Variants in MFAP5 observed in about 807,000 individuals in gnomAD.
The protein encoded by MFAP5 is microfibrillar-associated protein 5.
Under a neutral mutation model 30.1 loss-of-function variants are expected in MFAP5, and 19 were observed. The ratio of observed to expected loss-of-function variants is 0.63; its 90% CI spans 0.44 to 0.93. The LOEUF (loss-of-function observed/expected upper bound fraction) is 0.93, where lower values mean the gene tolerates loss of function less well. Ranked by LOEUF, MFAP5 falls within the 40% of genes least tolerant of loss-of-function variation. MFAP5 has a pLI of 0.00. For synonymous variants in MFAP5, 92 were observed against 72.9 expected, an observed-to-expected ratio of 1.26 and a Z score of -1.33; for missense variants, 210 against 221.3, an observed-to-expected ratio of 0.95 and a Z score of 0.32.
chr12:8,648,020 A>G lies in MFAP5; in HGVS notation c.*71T>C, dbSNP rs1941728709. 1.4e-5 allele frequency: 16 copies of G among 1,179,292 alleles called. No individual in the cohort carries two copies. In the South Asian group the frequency reaches 1.8e-4, roughly 14 times the overall value. 73.1% of individuals were successfully genotyped at this position (1,179,292 alleles called of 1,614,324 possible). On this transcript the variant is annotated 3_prime_UTR_variant, in exon 10 of 10. Coordinates refer to ENST00000359478, the MANE Select transcript of MFAP5 (RefSeq NM_003480.4). Reference sequence around the variant, plus strand: ...AATACTGTCTAAGGGTTAGCTGTCAATGGTTGGAGAAGAAGGAGATCCTCC... The same window carrying G: ...AATACTGTCTAAGGGTTAGCTGTCAGTGGTTGGAGAAGAAGGAGATCCTCC...
chr12:8,662,486 A>G, intron 1 of MFAP5, 141 bp downstream of exon 1: 1 of 220,042 alleles, frequency 4.5e-6, no homozygotes, highest in Non-Finnish European at 9.0e-6. Flanking sequence ...CCTTCATCAG[A>G]ATTCCACGGT....
At chr12:8,651,899 TTTTCCTTTCTCC>T (rs1941848487) in intron 6 of MFAP5, 1 of 548,170 alleles carries the variant, frequency 1.8e-6, no homozygotes, top group South Asian at 2.2e-5. Context: ...GATGGGATTT[TTTTCCTTTCTCC>T]TTTCCTTTCT....
rs1441586150 is a variant in MFAP5 at position 8,648,104 on chromosome 12, G to C, written c.509C>G (p.Pro170Arg). Residue 170 changes from proline to arginine, a missense_variant, in exon 10 of 10, where the codon CCC (proline) becomes CGC (arginine). Coordinates refer to ENST00000359478, the MANE Select transcript of MFAP5 (RefSeq NM_003480.4). ...CTTTTTCAATGATCACAGACCATTGGGTCTCTGCAAATCCACATTTTCACA... is the reference window on the plus strand; with the variant it reads ...CTTTTTCAATGATCACAGACCATTGCGTCTCTGCAAATCCACATTTTCACA... The part of the protein sequence containing the change: ...PPCENVDLQR[P>R]NGL 1.9e-6 allele frequency: 3 copies of C among 1,612,566 alleles called. No homozygotes were observed.
intron 7 of MFAP5, 26 bp downstream of exon 7, chr12:8,651,636 A>G (rs1459076406): frequency 1.1e-5 from 18 of 1,612,874 alleles, no homozygotes; most frequent in Non-Finnish European, 1.4e-5. Flanking sequence ...AAAAGGCTTA[A>G]GAAGGCATGC....
intron 8 of MFAP5, among the ~76,000 whole-genome samples, chr12:8,650,029 T>G (rs1168019021): frequency 1.3e-5 from 2 of 152,190 alleles, no homozygotes; most frequent in African/African-American, 2.4e-5. Flanking sequence ...GAACATACAA[T>G]ATTTGGTTTT....
At chr12:8,654,976 C>G (rs1941942704) in intron 5 of MFAP5, among the ~76,000 whole-genome samples, 1 of 148,924 alleles carries the variant, frequency 6.7e-6, no homozygotes, top group South Asian at 2.1e-4. Context: ...TGTCACTGAA[C>G]AACACTCTCA....
chr12:8,647,410 A>G lies in MFAP5; in HGVS notation c.*681T>C, dbSNP rs1237049105. On this transcript the variant is annotated 3_prime_UTR_variant, in exon 10 of 10. Coordinates refer to ENST00000359478, the MANE Select transcript of MFAP5 (RefSeq NM_003480.4). ...AATTGGATAGCGAATTATGAGTCCA[A>G]GTTCTATAGCTGGCATAGTCCTCAT... The G allele has an allele frequency of 1.3e-5, 2 of 152,202 alleles. No individual in the cohort carries two copies. The highest frequency in any genetic ancestry group is 2.1e-4 in the South Asian group (1 of 4,826). The allele number at this position is 152,202 out of a possible 1,614,324, so 9.4% of individuals were successfully genotyped here.
intron 9 of MFAP5, among the ~76,000 whole-genome samples, chr12:8,648,849 T>G (rs903238534): frequency 2.6e-5 from 4 of 152,194 alleles, no homozygotes; most frequent in Admixed American, 6.5e-5. Context: ...ACCACAGCCA[T>G]CGTTCGGGGC....
chr12:8,648,145 G>A lies in MFAP5; in HGVS notation c.468C>T (p.Tyr156=). The stretch of plus-strand genomic sequence containing the variant: ...CATTTTCACAGGGAGGAAGTCGGAA[G>A]TAATTGGAGCGACGGAGTCTCCTAG... The part of the protein sequence containing the change: ...LPPRRLRRSN[Y]FRLPPCENVD... The change falls in exon 10 of 10, where the codon TAC becomes TAT. Residue 156 remains tyrosine (Y), a synonymous_variant. Transcript: ENST00000359478. 6.2e-7 allele frequency: 1 copy of A among 1,614,052 alleles called. No homozygotes were observed. Among genetic ancestry groups the A allele is most frequent in the Non-Finnish European group, 8.5e-7 (1 of 1,179,934 alleles).
rs1941925850 is a variant in MFAP5 at position 8,654,422 on chromosome 12, C to G, written c.217+15G>C. ...AATGGCCCTGATGACCTGGGGGTCCCAGATCTGAACTCACCCAAGTCATCT... is the reference window on the plus strand; with the variant it reads ...AATGGCCCTGATGACCTGGGGGTCCGAGATCTGAACTCACCCAAGTCATCT... On this transcript the variant is annotated intron_variant, in intron 6 of 9. Transcript: ENST00000359478. The G allele has an allele frequency of 1.3e-6, 2 of 1,593,376 alleles. No individual in the cohort carries two copies. The highest frequency in any genetic ancestry group is 2.7e-5 in the African/African-American group (2 of 74,676).
At chr12:8,654,336 G>A in intron 6 of MFAP5, 101 bp downstream of exon 6, 1 of 1,191,488 alleles carries the variant, frequency 8.4e-7, no homozygotes, top group Non-Finnish European at 1.2e-6. Flanking sequence ...CTGTCATCCT[G>A]TCTTTTTAGG....
intron 7 of MFAP5, 36 bp from the exon 8 acceptor site, chr12:8,650,625 A>G: frequency 6.4e-7 from 1 of 1,552,872 alleles, no homozygotes; most frequent in East Asian, 2.2e-5. Context: ...AAGGAGGTCC[A>G]AATAGAAGCA....
At chr12:8,655,345 G>T in intron 5 of MFAP5, 70 bp downstream of exon 5, 1 of 1,305,068 alleles carries the variant, frequency 7.7e-7, no homozygotes, top group Non-Finnish European at 1.1e-6. Context: ...ATGAATTCAA[G>T]AGCTGGAATA....
intron 8 of MFAP5, 70 bp downstream of exon 8, chr12:8,650,432 T>C (rs1941802345): frequency 6.8e-7 from 1 of 1,476,828 alleles, no homozygotes; most frequent in South Asian, 1.1e-5. Context: ...TAGTGGGTGC[T>C]CATTAAATAG....
chr12:8,655,644 T>G, intron 4 of MFAP5, 142 bp downstream of exon 4: 23 of 1,043,212 alleles, frequency 2.2e-5, no homozygotes, highest in Non-Finnish European at 3.2e-5. Flanking sequence ...GATGCTGGCA[T>G]CTAAGGTGAC....
intron 9 of MFAP5, 102 bp from the exon 10 acceptor site, chr12:8,648,305 G>T: frequency 1.9e-6 from 2 of 1,052,284 alleles, no homozygotes; most frequent in Non-Finnish European, 2.7e-6. Flanking sequence ...TAGTGAAAAG[G>T]TTGGAGAGAA....
In MFAP5 at chr12:8,662,803, T is replaced by C. The variant is rs780839288; in HGVS notation, c.-179A>G. 2 of 152,368 alleles carry C rather than the reference T, an allele frequency of 1.3e-5. No homozygotes were observed. Among genetic ancestry groups the C allele is most frequent in the Admixed American group, 6.5e-5 (1 of 15,280 alleles). The allele number at this position is 152,368 out of a possible 1,614,324, so 9.4% of individuals were successfully genotyped here. A position where few individuals can be genotyped will look rare whatever the true frequency, so the allele number is the denominator to read the frequency against. On this transcript the variant is annotated 5_prime_UTR_variant, in exon 1 of 10. Transcript: ENST00000359478. Reference sequence around the variant, plus strand: ...ATGAGGGAGAGCAAGAAAGCCAGGCTAGGCGTAGAATGTGTGTTACAATGA... The same window carrying C: ...ATGAGGGAGAGCAAGAAAGCCAGGCCAGGCGTAGAATGTGTGTTACAATGA...
chr12:8,655,412 T>C lies in MFAP5; in HGVS notation c.172+3A>G, dbSNP rs1266597519. The C allele has an allele frequency of 6.3e-7, 1 of 1,599,238 alleles. No individual in the cohort carries two copies. Among genetic ancestry groups the C allele is most frequent in the South Asian group, 1.1e-5 (1 of 87,846 alleles). ...TTTTTTTTTTAACTGCGGTAAAATT[T>C]ACCTGTTTCATCTGTAGCGGGATCA... is the stretch of plus-strand genomic sequence containing the variant. On this transcript the variant is annotated splice_donor_region_variant and intron_variant, in intron 5 of 9. Coordinates refer to ENST00000359478, the MANE Select transcript of MFAP5 (RefSeq NM_003480.4).
intron 3 of MFAP5, among the ~76,000 whole-genome samples, chr12:8,659,309 GAA>G (rs78077672): frequency 9.4e-4 from 122 of 130,440 alleles, no homozygotes; most frequent in African/African-American, 3.2e-3. Flanking sequence ...ACTCTGTCTC[GAA>G]AAAAAAAAAA....
Sources: gnomAD v4.1 joint callset for allele counts (sites outside exome capture counted in the v4.1 genomes callset) on GRCh38, gnomAD v4.1.1 for gene constraint, MANE v1.5 for transcripts, NCBI Gene and HGNC (gene_info 2026-07-23, HGNC 2026-07-21) for gene names.